The following RP1L1 variants were observed in gnomAD, a reference collection of about 807,000 sequenced individuals.
RP1L1 encodes the protein retinitis pigmentosa 1-like 1 protein.
A neutral mutation model predicts 15.7 loss-of-function variants in RP1L1; 27 were observed. The observed-to-expected ratio is 1.72, with a 90% CI of 1.27 to 2.38. The LOEUF (loss-of-function observed/expected upper bound fraction) is 2.38, where lower values mean the gene tolerates loss of function less well. Among genes scored for constraint, RP1L1 ranks in the 30% most tolerant of loss-of-function variants. The pLI is 0.00. For missense variants in RP1L1, 4,798 were observed against 3,075.9 expected, an observed-to-expected ratio of 1.56 and a Z score of -13.24; for synonymous variants, 1,813 against 1,276.7, an observed-to-expected ratio of 1.42 and a Z score of -8.96.
At position 10,612,401 on chromosome 8, in the gene RP1L1, T is replaced by A. The variant is rs1351381096; in HGVS notation, c.1697A>T (p.Gln566Leu). The change falls in exon 4 of 4, where the codon CAG (glutamine) becomes CTG (leucine). Residue 566 changes from glutamine to leucine, a missense_variant. Physicochemically the swap from Gln to Leu is moderately radical, Grantham distance 113 (BLOSUM62 -2). Coordinates refer to ENST00000382483, the MANE Select transcript of RP1L1 (RefSeq NM_178857.6). ...PGKARAETSQ[Q>L]EASEGGDPAS... ...GGGGTCGCCTCCCTCGCTGGCCTCC[T>A]GCTGAGAGGTCTCGGCCCTTGCCTT... The A allele has an allele frequency of 6.2e-7, 1 of 1,612,804 alleles. No homozygotes were observed. Among genetic ancestry groups the A allele is most frequent in the Admixed American group, 1.7e-5 (1 of 60,028 alleles).
At chr8:10,653,044 T>A (rs1798585648) in intron 1 of RP1L1, among the ~76,000 whole-genome samples, 1 of 152,192 alleles carries the variant, frequency 6.6e-6, no homozygotes, top group Admixed American at 6.5e-5. Context: ...CCTGTGTGGC[T>A]GGGTTGTATC....
At chr8:10,638,943 G>A (rs375652672) in intron 1 of RP1L1, among the ~76,000 whole-genome samples, 17 of 151,814 alleles carry the variant, frequency 1.1e-4, no homozygotes, top group Admixed American at 2.0e-4. Flanking sequence ...CCATGAGTTC[G>A]AGACCAGCCT....
chr8:10,622,848 C>T lies in RP1L1; in HGVS notation c.354G>A (p.Arg118=), dbSNP rs753937136. 32 of 1,612,820 alleles carry T rather than the reference C, an allele frequency of 2.0e-5. No individual in the cohort carries two copies. The highest frequency in any genetic ancestry group is 4.4e-5 in the South Asian group (4 of 91,046). Residue 118 remains arginine (R), a synonymous_variant, in exon 2 of 4, where the codon CGG becomes CGA. Transcript: ENST00000382483. ...KPPKTPSGPG[R]PQERNPTAQQ... ...GAGCAGTGGGGTTTCTCTCCTGTGG[C>T]CGGCCTGGTCCACTGGGGGTCTTGG... is the stretch of plus-strand genomic sequence containing the variant.
Position 10,622,685 on chromosome 8 carries a change from TG to T in RP1L1, c.516del (p.His172GlnfsTer22). The T allele has an allele frequency of 6.2e-7, 1 of 1,614,200 alleles. No individual in the cohort carries two copies. Among genetic ancestry groups the T allele is most frequent in the South Asian group, 1.1e-5 (1 of 91,072 alleles). Reference sequence around the variant, plus strand: ...AAGGCGGCCAGGTTCCTAGTATTCCTGTGACTGAGAACCACTGTCTGCTGGA... The same window carrying T: ...AAGGCGGCCAGGTTCCTAGTATTCCTTGACTGAGAACCACTGTCTGCTGGA... ...PRLQQTVVLSHRNTRNLAAFL... is the reference protein window; with the variant it reads ...PRLQQTVVLSXRNTRNLAAFL... On this transcript the variant is annotated frameshift_variant, in exon 2 of 4. Coordinates refer to ENST00000382483, the MANE Select transcript of RP1L1 (RefSeq NM_178857.6). LOFTEE classifies it high-confidence loss of function.
At chr8:10,649,862 C>T (rs540690373) in intron 1 of RP1L1, among the ~76,000 whole-genome samples, 2 of 152,260 alleles carry the variant, frequency 1.3e-5, no homozygotes, top group African/African-American at 4.8e-5. Context: ...TGGATGCGGC[C>T]GATACTGTTG....
intron 2 of RP1L1, chr8:10,621,145 A>C (rs1382541948): frequency 3.3e-5 from 5 of 152,720 alleles, no homozygotes; most frequent in Non-Finnish European, 7.3e-5. Context: ...CTACCTAAGT[A>C]GACCTTGAGA....
rs747014074 is a variant in RP1L1, at chr8:10,623,109, C to T, written c.93G>A (p.Thr31=). The change falls in exon 2 of 4, where the codon ACG becomes ACA. Residue 31 remains threonine, a synonymous_variant. Coordinates refer to ENST00000382483, the MANE Select transcript of RP1L1 (RefSeq NM_178857.6). ...TGAGGAAGGTGATCTTCTTGGCTGG[C>T]GTGACCTTGGTGACCGAGGGGGTGC... ...VARTPSVTKV[T]PAKKITFLKR... 22 of 1,613,086 alleles carry T rather than the reference C, an allele frequency of 1.4e-5. No individual in the cohort carries two copies. The highest frequency in any genetic ancestry group is 7.7e-5 in the South Asian group (7 of 91,002).
intron 1 of RP1L1, among the ~76,000 whole-genome samples, chr8:10,628,279 A>G (rs1798188488): frequency 6.6e-6 from 1 of 152,192 alleles, no homozygotes; most frequent in East Asian, 1.9e-4. Flanking sequence ...CCTCAATCTG[A>G]GAGACCTCTT....
rs751190659 is a variant in RP1L1 at position 10,611,023 on chromosome 8, C to A, written c.3075G>T (p.Glu1025Asp). ...TGTCACTACTCCCCAGGAGGGCTCCCTCTGGCTCTGGGTCCTGGCCGGGGT... is the reference window on the plus strand; with the variant it reads ...TGTCACTACTCCCCAGGAGGGCTCCATCTGGCTCTGGGTCCTGGCCGGGGT... The part of the protein sequence containing the change: ...EGDPGQDPEP[E>D]GALLGSSDTG... The change falls in exon 4 of 4, where the codon GAG becomes GAT. Residue 1025 changes from glutamate to aspartate, a missense_variant. By Grantham distance (45) the Glu-to-Asp change is conservative. Transcript: ENST00000382483. 1 of 1,612,794 alleles carries A rather than the reference C, an allele frequency of 6.2e-7. No individual in the cohort carries two copies. Among genetic ancestry groups the A allele is most frequent in the Non-Finnish European group, 8.5e-7 (1 of 1,180,002 alleles).
chr8:10,647,536 C>A (rs1269920629), intron 1 of RP1L1, among the ~76,000 whole-genome samples: 1 of 152,156 alleles, frequency 6.6e-6, no homozygotes, highest in African/African-American at 2.4e-5. Context: ...TTTTGCTTTC[C>A]GTCTCTATAA....
chr8:10,645,509 A>G (rs1798463685), intron 1 of RP1L1, among the ~76,000 whole-genome samples: 1 of 152,188 alleles, frequency 6.6e-6, no homozygotes, highest in Admixed American at 6.5e-5. Flanking sequence ...TTTGGTCCAC[A>G]TCACAGATGT....
rs1797895946 is a variant in RP1L1, at chr8:10,612,951, C to G, written c.1147G>C (p.Gly383Arg). The G allele has an allele frequency of 3.1e-6, 5 of 1,612,972 alleles. No individual in the cohort carries two copies. In the South Asian group the frequency reaches 5.5e-5, roughly 18 times the overall value. ...PWGFSEPGVW[G>R]PRPCRVGCRE... ...CATCCCACCCTGCAGGGCCGGGGTCCCCACACCCCAGGCTCTGAGAAGCCC... is the reference window on the plus strand; with the variant it reads ...CATCCCACCCTGCAGGGCCGGGGTCGCCACACCCCAGGCTCTGAGAAGCCC... The change falls in exon 4 of 4, where the codon GGA becomes CGA. Residue 383 changes from glycine (G) to arginine (R), a missense_variant. Coordinates refer to ENST00000382483, the MANE Select transcript of RP1L1 (RefSeq NM_178857.6).
chr8:10,616,881 T>C (rs887326357), intron 2 of RP1L1, among the ~76,000 whole-genome samples: 3 of 152,312 alleles, frequency 2.0e-5, no homozygotes, highest in African/African-American at 4.8e-5. Context: ...AAGACTTCTG[T>C]AGGCCGCATT....
chr8:10,637,402 A>G (rs1798345976), intron 1 of RP1L1, among the ~76,000 whole-genome samples: 1 of 152,162 alleles, frequency 6.6e-6, no homozygotes, highest in Non-Finnish European at 1.5e-5. Context: ...TAGGGGCCAG[A>G]AAACTCCTCT....
rs757266314 is a variant in RP1L1, at chr8:10,613,210, C to A, written c.888G>T (p.Thr296=). The stretch of plus-strand genomic sequence containing the variant: ...CCACCAGCGGGCCCGACTGAGCTGG[C>A]GTGTCCTGAGGGTGCCTGCCAGGAG... ...GPAPGRHPQD[T]PAQSGPLVAG... is the part of the protein sequence containing the mutation. Residue 296 remains threonine, a synonymous_variant, in exon 4 of 4, where the codon ACG becomes ACT. Transcript: ENST00000382483. The A allele has an allele frequency of 2.5e-6, 4 of 1,613,344 alleles. No homozygotes were observed. In the South Asian group the frequency reaches 4.4e-5, roughly 18 times the overall value.
chr8:10,617,801 C>T (rs146416459), intron 2 of RP1L1, among the ~76,000 whole-genome samples: 126 of 152,184 alleles, frequency 8.3e-4, no homozygotes, highest in Non-Finnish European at 1.5e-3. Flanking sequence ...CGTGATCCGC[C>T]GGCCTCGGCC....
chr8:10,626,496 C>T (rs1025734322), intron 1 of RP1L1, among the ~76,000 whole-genome samples: 1 of 152,154 alleles, frequency 6.6e-6, no homozygotes, highest in Non-Finnish European at 1.5e-5. Context: ...GTCCTTTGCA[C>T]GCTCTCCACC....
At chr8:10,636,641 C>T (rs900906466) in intron 1 of RP1L1, among the ~76,000 whole-genome samples, 10 of 152,224 alleles carry the variant, frequency 6.6e-5, no homozygotes, top group Non-Finnish European at 2.9e-5. Flanking sequence ...CTGCTCTCAG[C>T]TTCCTCCTTT....
In RP1L1 at chr8:10,607,226, C is replaced by T; in HGVS notation, c.6872G>A (p.Arg2291Lys). 2.5e-6 allele frequency: 4 copies of T among 1,614,144 alleles called. No homozygotes were observed. The highest frequency in any genetic ancestry group is 2.2e-5 in the East Asian group (1 of 44,876). Residue 2291 changes from arginine (R) to lysine (K), a missense_variant, in exon 4 of 4, where the codon AGG becomes AAG. Physicochemically the swap from Arg to Lys is conservative, Grantham distance 26. Coordinates refer to ENST00000382483, the MANE Select transcript of RP1L1 (RefSeq NM_178857.6). ...GGAAGGGCCTGTTTGGGAGCCTGGC[C>T]TTTGGTGGGGAGTGTCTCCACCTGG... Reference protein sequence around the residue: ...PSPGGDTPHQRPGSQTGPSSS... With the variant: ...PSPGGDTPHQKPGSQTGPSSS...
Sources: allele counts gnomAD v4.1 joint callset (sites outside exome capture counted in the v4.1 genomes callset), GRCh38; gene constraint gnomAD v4.1.1; transcripts MANE v1.5; gene names NCBI Gene and HGNC (gene_info 2026-07-23, HGNC 2026-07-21).